The following KLC4 variants were observed in gnomAD, a reference collection of about 807,000 sequenced individuals.
KLC4 encodes the protein kinesin-like protein 8.
KLC4 carries 49 observed loss-of-function variants against 77.2 expected under a neutral mutation model. The observed-to-expected ratio is 0.63, with a 90% CI of 0.50 to 0.80. The LOEUF (loss-of-function observed/expected upper bound fraction) is 0.80. KLC4 is among the 30% of genes least tolerant of loss of function. The probability of loss-of-function intolerance (pLI) is 0.00; values close to 1 mark genes in which losing one functional copy is unlikely to be tolerated. For synonymous variants in KLC4, 274 were observed against 314.5 expected (o/e 0.87, Z 1.36); for missense variants, 669 against 793.5 (o/e 0.84, Z 1.89).
At chr6:43,062,303 G>A (rs1765202620) in intron 2 of KLC4, among the ~76,000 whole-genome samples, 1 of 152,236 alleles carries the variant, frequency 6.6e-6, no homozygotes. Context: ...TGGATGTAGT[G>A]GCACAATCCT....
At chr6:43,072,392 T>C in intron 12 of KLC4, 137 bp downstream of exon 12, 1 of 659,760 alleles carries the variant, frequency 1.5e-6, no homozygotes, top group Non-Finnish European at 2.6e-6. Context: ...TGAGGCAGTG[T>C]TGTGATTGTG....
rs757726436 is a variant in KLC4, at chr6:43,073,284, G to A, written c.1691G>A (p.Arg564Lys). The change falls in exon 14 of 16, where the codon AGA becomes AAA. Residue 564 changes from arginine (R) to lysine (K), a missense_variant. Transcript: ENST00000347162. ...SLGKIRDVLRRSSELLVRKLQ... is the reference protein window; with the variant it reads ...SLGKIRDVLRKSSELLVRKLQ... ...GGCAAGATCCGGGATGTGCTCCGCA[G>A]AAGCAGTGAACTCTTGGTGAGGAAG... The A allele has an allele frequency of 6.2e-7, 1 of 1,614,192 alleles. No homozygotes were observed. The highest frequency in any genetic ancestry group is 1.1e-5 in the South Asian group (1 of 91,084).
chr6:43,070,067 G>T (rs1373706581), intron 6 of KLC4, among the ~76,000 whole-genome samples: 3 of 142,302 alleles, frequency 2.1e-5, no homozygotes, highest in Non-Finnish European at 1.5e-5. Flanking sequence ...CTCCTCAAAG[G>T]TAATCTTCAT....
chr6:43,072,942 C>T lies in KLC4; in HGVS notation c.1607C>T (p.Ser536Phe). Residue 536 changes from serine to phenylalanine, a missense_variant, in exon 13 of 16, where the codon TCT becomes TTT. Coordinates refer to ENST00000347162, the MANE Select transcript of KLC4 (RefSeq NM_201521.3). ...SVKFEGGEDA[S>F]VAVEWSGDGS... The stretch of plus-strand genomic sequence containing the variant: ...AAATTCGAGGGAGGTGAAGATGCTT[C>T]TGTGGCTGTGGAGTGGTCCGGGGTA... The T allele has an allele frequency of 2.5e-6, 4 of 1,607,808 alleles. No individual in the cohort carries two copies. The highest frequency in any genetic ancestry group is 1.7e-5 in the Admixed American group (1 of 59,044).
At chr6:43,073,696 G>A (rs1476856011) in intron 14 of KLC4, 1 of 580,074 alleles carries the variant, frequency 1.7e-6, no homozygotes, top group Non-Finnish European at 3.0e-6. Context: ...GGCAAGTAAA[G>A]TAAGCCCTTG....
At chr6:43,066,549 C>G in intron 5 of KLC4, 24 bp downstream of exon 5, 1 of 1,579,016 alleles carries the variant, frequency 6.3e-7, no homozygotes, top group Non-Finnish European at 8.7e-7. Flanking sequence ...TCCTCCAGTG[C>G]CCAGATCTTC....
At chr6:43,067,456 A>G in intron 6 of KLC4, 1 of 239,352 alleles carries the variant, frequency 4.2e-6, no homozygotes, top group East Asian at 8.7e-5. Flanking sequence ...ACAAAACAAC[A>G]GTAGTTGTAT....
intron 2 of KLC4, among the ~76,000 whole-genome samples, chr6:43,062,062 G>C (rs1049404355): frequency 3.3e-5 from 5 of 152,224 alleles, no homozygotes. Flanking sequence ...TAAGCACAGA[G>C]AGCAGCAAGT....
rs1209920391 is a variant in KLC4 at position 43,061,457 on chromosome 6, A to G, written c.122A>G (p.Gln41Arg). 8 of 1,614,104 alleles carry G rather than the reference A, an allele frequency of 5.0e-6. No individual in the cohort carries two copies. Among genetic ancestry groups the G allele is most frequent in the Non-Finnish European group, 6.8e-6 (8 of 1,180,052 alleles). The change falls in exon 2 of 16, where the codon CAG becomes CGG. Residue 41 changes from glutamine to arginine, a missense_variant. By Grantham distance (43) the Gln-to-Arg change is conservative (BLOSUM62 1). Coordinates refer to ENST00000347162, the MANE Select transcript of KLC4 (RefSeq NM_201521.3). The part of the protein sequence containing the change: ...QGLEALRSEH[Q>R]AVLQSLSQTI... Reference sequence around the variant, plus strand: ...CTAGAGGCCCTACGCAGTGAACACCAGGCCGTGCTGCAAAGCCTGTCCCAG... The same window carrying G: ...CTAGAGGCCCTACGCAGTGAACACCGGGCCGTGCTGCAAAGCCTGTCCCAG...
chr6:43,065,785 T>C, intron 4 of KLC4, 84 bp downstream of exon 4: 2 of 892,264 alleles, frequency 2.2e-6, no homozygotes, highest in Non-Finnish European at 3.6e-6. Flanking sequence ...CACAGGACAG[T>C]CACCATCTAG....
intron 13 of KLC4, 39 bp from the exon 14 acceptor site, chr6:43,073,184 G>T: frequency 6.5e-7 from 1 of 1,545,936 alleles, no homozygotes; most frequent in Middle Eastern, 1.7e-4. Context: ...CATCTGTGTG[G>T]GATCCTTGTA....
At chr6:43,061,221 C>T in intron 1 of KLC4, 90 bp from the exon 2 acceptor site, 1 of 1,385,194 alleles carries the variant, frequency 7.2e-7, no homozygotes, top group South Asian at 1.3e-5. Flanking sequence ...ACTTTTGTCC[C>T]TTCACTTGGA....
chr6:43,060,293 GTC>G (rs757195884), intron 1 of KLC4: 12 of 1,612,836 alleles, frequency 7.4e-6, no homozygotes, highest in East Asian at 4.5e-5. Context: ...CTCTGGTTAA[GTC>G]TCTCTCTCTC....
In KLC4 at chr6:43,074,683, G is replaced by A. The variant is rs745784096; in HGVS notation, c.*11G>A. On this transcript the variant is annotated 3_prime_UTR_variant, in exon 16 of 16. Coordinates refer to ENST00000347162, the MANE Select transcript of KLC4 (RefSeq NM_201521.3). ...TCTTCAAGCAGCTGACATTCAACCC[G>A]GCCCCCAGGTCTGCTGGGTCCCCCC... is the stretch of plus-strand genomic sequence containing the variant. The A allele has an allele frequency of 1.7e-5, 28 of 1,613,192 alleles. No individual in the cohort carries two copies. Among genetic ancestry groups the A allele is most frequent in the Non-Finnish European group, 2.1e-5 (25 of 1,179,234 alleles).
Position 43,062,640 on chromosome 6 carries a change from T to G in KLC4, c.259-277T>G, listed in dbSNP as rs1765218482. The G allele has an allele frequency of 9.1e-5, 44 of 485,172 alleles. No homozygotes were observed. In the East Asian group the frequency reaches 1.5e-3, roughly 17 times the overall value. The allele number at this position is 485,172 out of a possible 1,614,324, so 30.1% of individuals were successfully genotyped here. A position where few individuals can be genotyped will look rare whatever the true frequency, so the allele number is the denominator to read the frequency against. On this transcript the variant is annotated intron_variant, in intron 2 of 15. Transcript: ENST00000347162. ...CATCATCAGGTTGTTGGGTTACAAA[T>G]AGACAATAGGGGAACAAGGGCAGAA...
At chr6:43,071,697 A>C in intron 10 of KLC4, 78 bp downstream of exon 10, 1 of 1,504,786 alleles carries the variant, frequency 6.6e-7, no homozygotes, top group Non-Finnish European at 9.2e-7. Flanking sequence ...CATTAGCCCA[A>C]CTCTCACTTC....
intron 1 of KLC4, chr6:43,060,675 G>T: frequency 3.8e-6 from 4 of 1,045,698 alleles, no homozygotes; most frequent in South Asian, 2.6e-5. Context: ...AGTCCTGGGG[G>T]GTGGGAAGTA....
rs1273507857 is a variant in KLC4 at position 43,062,992 on chromosome 6, C to T, written c.334C>T (p.Leu112=). ...KQKLRAQVRR[L]CQENQWLRDE... is the part of the protein sequence containing the mutation. ...GAAGCTGCGGGCTCAGGTGCGGCGG[C>T]TATGCCAGGAGAACCAGTGGCTGCG... is the stretch of plus-strand genomic sequence containing the variant. Residue 112 remains leucine (L), a synonymous_variant, in exon 3 of 16, where the codon CTA becomes TTA. Coordinates refer to ENST00000347162, the MANE Select transcript of KLC4 (RefSeq NM_201521.3). 1 of 1,614,164 alleles carries T rather than the reference C, an allele frequency of 6.2e-7. No homozygotes were observed. The highest frequency in any genetic ancestry group is 8.5e-7 in the Non-Finnish European group (1 of 1,180,036).
Position 43,065,620 on chromosome 6 carries a change from G to A in KLC4, c.490G>A (p.Glu164Lys). The A allele has an allele frequency of 6.2e-7, 1 of 1,612,540 alleles. No homozygotes were observed. Residue 164 changes from glutamate to lysine, a missense_variant and splice_region_variant, in exon 4 of 16, where the codon GAG becomes AAG. Glu to Lys is a moderately conservative substitution (Grantham distance 56). Coordinates refer to ENST00000347162, the MANE Select transcript of KLC4 (RefSeq NM_201521.3). The stretch of plus-strand genomic sequence containing the variant: ...TTATATGTTGCTTCTTCCCTTCCAG[G>A]AGGAGAAAGAAGGCGATGCCACCAA... ...RQYDEDGHTS[E>K]EKEGDATKDS... is the part of the protein sequence containing the mutation.
Sources: gnomAD v4.1 joint callset for allele counts (sites outside exome capture counted in the v4.1 genomes callset) on GRCh38, gnomAD v4.1.1 for gene constraint, MANE v1.5 for transcripts, NCBI Gene and HGNC (gene_info 2026-07-23, HGNC 2026-07-21) for gene names.